MAS1: variants seen among roughly 807,000 people sequenced by gnomAD.
The protein encoded by MAS1 is MAS1 proto-oncogene, G protein-coupled receptor.
For missense variants in MAS1, 387 were observed against 409.7 expected (o/e 0.94, Z 0.48); for synonymous variants, 163 against 164.2 (o/e 0.99, Z 0.05).
Position 159,907,278 on chromosome 6 carries a change from T to C in MAS1, c.323T>C (p.Leu108Ser), listed in dbSNP as rs75396648. ...GGCCATTACTACACAATTGTCACAT[T>C]ATCAGTGACTTTTCTGTTTGGCTAC... is the stretch of plus-strand genomic sequence containing the variant. ...SSGHYYTIVTLSVTFLFGYNT... is the reference protein window; with the variant it reads ...SSGHYYTIVTSSVTFLFGYNT... Residue 108 changes from leucine to serine, a missense_variant, in exon 3 of 3, where the codon TTA (leucine) becomes TCA (serine). Coordinates refer to ENST00000674077, the MANE Select transcript of MAS1 (RefSeq NM_002377.4). The C allele has an allele frequency of 1.2e-6, 2 of 1,614,198 alleles. No homozygotes were observed. Among genetic ancestry groups the C allele is most frequent in the East Asian group, 4.5e-5 (2 of 44,880 alleles).
chr6:159,905,814 G>C (rs972889037), intron 2 of MAS1, among the ~76,000 whole-genome samples: 1 of 152,196 alleles, frequency 6.6e-6, no homozygotes, highest in African/African-American at 2.4e-5. Context: ...GGCTGAGGCA[G>C]GTGGATCACC....
At chr6:159,892,836 G>T (rs1023141876) in intron 1 of MAS1, among the ~76,000 whole-genome samples, 1 of 152,150 alleles carries the variant, frequency 6.6e-6, no homozygotes, top group Non-Finnish European at 1.5e-5. Context: ...ATTTCCATGA[G>T]ACTCATATTG....
Position 159,917,399 on chromosome 6 carries a change from A to G in MAS1, c.*9466A>G, listed in dbSNP as rs1783040475. On this transcript the variant is annotated 3_prime_UTR_variant, in exon 3 of 3. Transcript: ENST00000674077. Reference sequence around the variant, plus strand: ...ACTATATTCTCTGGATTCAGAGGGAATTATTGGAACTTTTCAGAGATCAGG... The same window carrying G: ...ACTATATTCTCTGGATTCAGAGGGAGTTATTGGAACTTTTCAGAGATCAGG... Among the ~76,000 whole-genome samples the G allele has an allele frequency of 6.6e-6, 1 of 152,230 alleles. No homozygotes were observed. The highest frequency in any genetic ancestry group is 2.4e-5 in the African/African-American group (1 of 41,470).
At chr6:159,904,991 C>T (rs897286088) in intron 2 of MAS1, among the ~76,000 whole-genome samples, 6 of 152,180 alleles carry the variant, frequency 3.9e-5, no homozygotes, top group African/African-American at 1.2e-4. Context: ...ATGAGTGAGA[C>T]GTTTCCCATC....
chr6:159,914,706 G>C lies in MAS1; in HGVS notation c.*6773G>C, dbSNP rs1040466617. ...CTCAGAGTGCACCAGTACACCAGTT[G>C]CTGCAATCAGTGCTTGGCTTTTTGT... On this transcript the variant is annotated 3_prime_UTR_variant, in exon 3 of 3. Transcript: ENST00000674077. 1.3e-5 allele frequency: 2 copies of C among 152,304 alleles called. No individual in the cohort carries two copies. The highest frequency in any genetic ancestry group is 4.8e-5 in the African/African-American group (2 of 41,442). The allele number at this position is 152,304 out of a possible 1,614,324, so 9.4% of individuals were successfully genotyped here.
At chr6:159,891,500 G>A (rs1782698632) in intron 1 of MAS1, among the ~76,000 whole-genome samples, 1 of 152,172 alleles carries the variant, frequency 6.6e-6, no homozygotes, top group Non-Finnish European at 1.5e-5. Flanking sequence ...CTTAATGAAA[G>A]CTTATGAATG....
intron 2 of MAS1, among the ~76,000 whole-genome samples, chr6:159,902,895 A>G (rs547556132): frequency 3.9e-5 from 6 of 152,078 alleles, no homozygotes; most frequent in African/African-American, 1.4e-4. Flanking sequence ...CTCCAACACT[A>G]TTTCTCAGCG....
Position 159,911,328 on chromosome 6 carries a change from CTTTTTTT to C in MAS1, c.*3413_*3419del, listed in dbSNP as rs1008371859. On this transcript the variant is annotated 3_prime_UTR_variant, in exon 3 of 3. Transcript: ENST00000674077. Reference sequence around the variant, plus strand: ...TTCTTTTTTCTTTTCTTTTCTTTTCCTTTTTTTTTTTTTTTTTTTTTTTTGAGACAGA... The same window carrying C: ...TTCTTTTTTCTTTTCTTTTCTTTTCCTTTTTTTTTTTTTTTTTGAGACAGA... The C allele has an allele frequency of 1.4e-3, 132 of 94,514 alleles. No homozygotes were observed. The highest frequency in any genetic ancestry group is 6.5e-3 in the South Asian group (17 of 2,624). 5.9% of individuals were successfully genotyped at this position (94,514 alleles called of 1,614,324 possible). A position where few individuals can be genotyped will look rare whatever the true frequency, so the allele number is the denominator to read the frequency against.
In MAS1 at chr6:159,908,288, C is replaced by T. The variant is rs1782922754; in HGVS notation, c.*355C>T. ...GATGTAGCAGGAAGAACAAGGGTCG[C>T]TTCCTGTGTGACCTCAGGCAAGTTG... On this transcript the variant is annotated 3_prime_UTR_variant, in exon 3 of 3. Coordinates refer to ENST00000674077, the MANE Select transcript of MAS1 (RefSeq NM_002377.4). 6.0e-6 allele frequency: 1 copy of T among 167,418 alleles called. No individual in the cohort carries two copies. The allele number at this position is 167,418 out of a possible 1,614,324, so 10.4% of individuals were successfully genotyped here.
rs140682581 is a variant in MAS1, at chr6:159,910,900, C to T, written c.*2967C>T. 2 of 152,356 alleles carry T rather than the reference C, an allele frequency of 1.3e-5. No individual in the cohort carries two copies. Among genetic ancestry groups the T allele is most frequent in the East Asian group, 3.9e-4 (2 of 5,194 alleles). 9.4% of individuals were successfully genotyped at this position (152,356 alleles called of 1,614,324 possible). On this transcript the variant is annotated 3_prime_UTR_variant, in exon 3 of 3. Transcript: ENST00000674077. Reference sequence around the variant, plus strand: ...GTGAGTAACTTCCACAGTGTCAAATCTGATGGGCTGTTTTCTACCTATGCC... The same window carrying T: ...GTGAGTAACTTCCACAGTGTCAAATTTGATGGGCTGTTTTCTACCTATGCC...
intron 1 of MAS1, among the ~76,000 whole-genome samples, chr6:159,891,951 T>A (rs1479280979): frequency 6.6e-6 from 1 of 152,144 alleles, no homozygotes. Context: ...ATAGGATGTT[T>A]AGCAGCATCT....
At chr6:159,904,837 C>G (rs970327891) in intron 2 of MAS1, among the ~76,000 whole-genome samples, 2 of 152,140 alleles carry the variant, frequency 1.3e-5, no homozygotes, top group Admixed American at 6.5e-5. Context: ...GCCTTGCTGG[C>G]CTTTCTGCGG....
Position 159,899,198 on chromosome 6 carries a change from T to C in MAS1, c.-231T>C, listed in dbSNP as rs1443697185. On this transcript the variant is annotated 5_prime_UTR_variant, in exon 2 of 3. An upstream open reading frame in the 5' UTR loses its in-frame stop. Coordinates refer to ENST00000674077, the MANE Select transcript of MAS1 (RefSeq NM_002377.4). The stretch of plus-strand genomic sequence containing the variant: ...TCTTTCTCCCTAGACATCTCTTTCG[T>C]GAGAAGAAAGAGAGGAGGGAAGATG... 6.6e-6 allele frequency: 1 copy of C among 152,168 alleles called. No individual in the cohort carries two copies. The highest frequency in any genetic ancestry group is 2.4e-5 in the African/African-American group (1 of 41,428). 9.4% of individuals were successfully genotyped at this position (152,168 alleles called of 1,614,324 possible).
chr6:159,898,668 T>TCCTCTTCCTCCTCCTC (rs1475473901), intron 1 of MAS1, among the ~76,000 whole-genome samples: 22,930 of 47,270 alleles, frequency 0.49, 3,632 homozygotes, highest in East Asian at 0.71. Context: ...CCCTCCTCCT[T>TCCTCTTCCTCCTCCTC]CCTCTTCCTC....
rs1776501669 is a variant in MAS1, at chr6:159,911,441, TCTC to T, written c.*3511_*3513del. ...CCTCCACCTCCCAGGTTCAAGCAATTCTCCTGCCTCAGCCTCCCAAGTAGCTGG... is the reference window on the plus strand; with the variant it reads ...CCTCCACCTCCCAGGTTCAAGCAATTCTGCCTCAGCCTCCCAAGTAGCTGG... On this transcript the variant is annotated 3_prime_UTR_variant, in exon 3 of 3. Coordinates refer to ENST00000674077, the MANE Select transcript of MAS1 (RefSeq NM_002377.4). The T allele has an allele frequency of 6.7e-6, 1 of 149,616 alleles. No homozygotes were observed. The highest frequency in any genetic ancestry group is 2.2e-4 in the South Asian group (1 of 4,532). 9.3% of individuals were successfully genotyped at this position (149,616 alleles called of 1,614,324 possible). A position where few individuals can be genotyped will look rare whatever the true frequency, so the allele number is the denominator to read the frequency against.
rs1484717261 is a variant in MAS1 at position 159,913,653 on chromosome 6, G to T, written c.*5720G>T. On this transcript the variant is annotated 3_prime_UTR_variant, in exon 3 of 3. Coordinates refer to ENST00000674077, the MANE Select transcript of MAS1 (RefSeq NM_002377.4). ...TGTGGTTTGGGTTTCTTACAACATGGTGATTGTGTTCTGGAAGGAAGTCTC... is the reference window on the plus strand; with the variant it reads ...TGTGGTTTGGGTTTCTTACAACATGTTGATTGTGTTCTGGAAGGAAGTCTC... 1.3e-5 allele frequency: 2 copies of T among 152,184 alleles called. No homozygotes were observed. Among genetic ancestry groups the T allele is most frequent in the Non-Finnish European group, 2.9e-5 (2 of 68,042 alleles). The allele number at this position is 152,184 out of a possible 1,614,324, so 9.4% of individuals were successfully genotyped here.
chr6:159,906,453 G>A lies in MAS1; in HGVS notation c.-36-467G>A, dbSNP rs78494330. Among the ~76,000 whole-genome samples, 870 of 152,320 alleles carry A rather than the reference G, an allele frequency of 5.7e-3. 7 individuals are homozygous for A. Among genetic ancestry groups the A allele is most frequent in the South Asian group, 9.3e-3 (45 of 4,830 alleles). On this transcript the variant is annotated intron_variant, in intron 2 of 2. Transcript: ENST00000674077. The stretch of plus-strand genomic sequence containing the variant: ...ACTTCATGTATTAAAAAATGACAGT[G>A]GCAGCATTGCCCAGACATGCGTTTT...
rs1246767517 is a variant in MAS1, at chr6:159,912,121, T to C, written c.*4188T>C. The stretch of plus-strand genomic sequence containing the variant: ...ACTGGTTGTTTCTCTGGAGACAGCA[T>C]TGTATGCACTGAGATGAGCAACTGG... On this transcript the variant is annotated 3_prime_UTR_variant, in exon 3 of 3. Coordinates refer to ENST00000674077, the MANE Select transcript of MAS1 (RefSeq NM_002377.4). 4 of 152,332 alleles carry C rather than the reference T, an allele frequency of 2.6e-5. No homozygotes were observed. The highest frequency in any genetic ancestry group is 9.6e-5 in the African/African-American group (4 of 41,472). 9.4% of individuals were successfully genotyped at this position (152,332 alleles called of 1,614,324 possible).
chr6:159,907,130 T>C lies in MAS1; in HGVS notation c.175T>C (p.Phe59Leu), dbSNP rs1307762353. 6.2e-7 allele frequency: 1 copy of C among 1,614,232 alleles called. No homozygotes were observed. Residue 59 changes from phenylalanine (F) to leucine (L), a missense_variant, in exon 3 of 3, where the codon TTC becomes CTC. Physicochemically the swap from Phe to Leu is conservative, Grantham distance 22. Transcript: ENST00000674077. The part of the protein sequence containing the change: ...ENGILLWFLC[F>L]RMRRNPFTVY... ...TGGGATTCTCCTCTGGTTCCTGTGC[T>C]TCCGGATGAGAAGAAATCCCTTCAC...
Sources: allele counts gnomAD v4.1 joint callset (sites outside exome capture counted in the v4.1 genomes callset), GRCh38; gene constraint gnomAD v4.1.1; transcripts MANE v1.5; gene names NCBI Gene and HGNC (gene_info 2026-07-23, HGNC 2026-07-21).